ERBB4: variants seen among roughly 807,000 people sequenced by gnomAD.
ERBB4 encodes erb-b2 receptor tyrosine kinase 4.
In ERBB4, 42 loss-of-function variants were observed where a neutral mutation model predicts 158.0. The observed-to-expected ratio is 0.27, with a 90% CI of 0.21 to 0.34. The LOEUF (loss-of-function observed/expected upper bound fraction) is 0.34, where lower values mean the gene tolerates loss of function less well. Ranked by LOEUF, ERBB4 falls within the 10% of genes least tolerant of loss-of-function variation. The pLI, the probability that ERBB4 is intolerant of heterozygous loss-of-function variation, is 1.00. For missense variants in ERBB4, 1,333 were observed against 1,624.1 expected (o/e 0.82, Z 3.08); for synonymous variants, 583 against 558.7 (o/e 1.04, Z -0.61).
In ERBB4 at chr2:212,255,805, G is replaced by C. The variant is rs113329649; in HGVS notation, c.83-130902C>G. 4.8e-3 allele frequency among the ~76,000 whole-genome samples: 734 copies of C among 152,002 alleles called. 7 individuals carry two copies. Among genetic ancestry groups the C allele is most frequent in the Middle Eastern group, 0.017 (5 of 294 alleles). ...ATTAACTCTTTCAAATCACTGGGTA[G>C]GTGCACATAGAATACTTTGTGTCAT... On this transcript the variant is annotated intron_variant, in intron 1 of 27. Coordinates refer to ENST00000342788, the MANE Select transcript of ERBB4 (RefSeq NM_005235.3).
chr2:212,317,630 G>A (rs1009039466), intron 1 of ERBB4, among the ~76,000 whole-genome samples: 1 of 151,528 alleles, frequency 6.6e-6, no homozygotes, highest in African/African-American at 2.4e-5. Context: ...AGAATTCTTA[G>A]AATTACAGAA....
chr2:212,421,569 G>A (rs1164794817), intron 1 of ERBB4, among the ~76,000 whole-genome samples: 2 of 152,146 alleles, frequency 1.3e-5, no homozygotes, highest in African/African-American at 4.8e-5. Context: ...GATATTGTCA[G>A]TAAGAATGAG....
At chr2:212,463,616 AAGC>A (rs1688683297) in intron 1 of ERBB4, among the ~76,000 whole-genome samples, 1 of 152,098 alleles carries the variant, frequency 6.6e-6, no homozygotes, top group South Asian at 2.1e-4. Context: ...AAAAGAAAAA[AAGC>A]CTCAGAAGAC....
chr2:211,517,472 T>C (rs914883689), intron 20 of ERBB4, among the ~76,000 whole-genome samples: 1 of 152,164 alleles, frequency 6.6e-6, no homozygotes, highest in Non-Finnish European at 1.5e-5. Context: ...CTGTATCTTT[T>C]CTAAAGCTAA....
intron 25 of ERBB4, among the ~76,000 whole-genome samples, chr2:211,404,858 G>A (rs1336170220): frequency 6.6e-6 from 1 of 152,078 alleles, no homozygotes; most frequent in Non-Finnish European, 1.5e-5. Context: ...CACCAGTTCT[G>A]TTTTCAATCT....
At chr2:212,220,876 C>A (rs1187531292) in intron 1 of ERBB4, among the ~76,000 whole-genome samples, 3 of 151,444 alleles carry the variant, frequency 2.0e-5, no homozygotes, top group Non-Finnish European at 4.4e-5. Flanking sequence ...CCATTATGAT[C>A]TCCATCAGCA....
intron 1 of ERBB4, among the ~76,000 whole-genome samples, chr2:212,450,261 A>G (rs1338107758): frequency 6.6e-6 from 1 of 152,168 alleles, no homozygotes; most frequent in Non-Finnish European, 1.5e-5. Flanking sequence ...GCACACCTCA[A>G]TCCTTGTAAT....
intron 1 of ERBB4, among the ~76,000 whole-genome samples, chr2:212,367,645 C>A (rs1047987537): frequency 1.3e-5 from 2 of 152,024 alleles, no homozygotes; most frequent in African/African-American, 2.4e-5. Context: ...GCAGAGAAAA[C>A]AGACAACCCA....
chr2:211,869,579 T>TA (rs776390844), intron 3 of ERBB4, among the ~76,000 whole-genome samples: 50 of 152,152 alleles, frequency 3.3e-4, no homozygotes, highest in Non-Finnish European at 6.2e-4. Flanking sequence ...GTAACCCCGG[T>TA]ACCTAGCCTA....
intron 20 of ERBB4, among the ~76,000 whole-genome samples, chr2:211,499,509 G>A (rs960480363): frequency 3.9e-5 from 6 of 152,084 alleles, no homozygotes; most frequent in East Asian, 1.9e-4. Context: ...GCAACAGAGC[G>A]AGACTCTGTC....
At chr2:212,234,929 G>C (rs909814413) in intron 1 of ERBB4, among the ~76,000 whole-genome samples, 6 of 152,062 alleles carry the variant, frequency 3.9e-5, no homozygotes, top group Non-Finnish European at 7.4e-5. Flanking sequence ...TAGGTTGCCT[G>C]TTCACTCTGA....
chr2:211,741,856 A>C (rs1236968636), intron 5 of ERBB4, among the ~76,000 whole-genome samples: 2 of 152,212 alleles, frequency 1.3e-5, no homozygotes, highest in Non-Finnish European at 2.9e-5. Context: ...TACAACAAAT[A>C]TTATCAACTT....
At chr2:211,721,620 CAT>C (rs71054137) in intron 7 of ERBB4, among the ~76,000 whole-genome samples, 20,182 of 131,630 alleles carry the variant, frequency 0.15, 1,647 homozygotes, top group Admixed American at 0.18. Context: ...TGCTATTAAA[CAT>C]ATATATATAT....
chr2:211,580,899 ATATATATAT>A (rs2068083077), intron 19 of ERBB4, among the ~76,000 whole-genome samples: 1 of 5,584 alleles, frequency 1.8e-4, no homozygotes, highest in African/African-American at 6.1e-4. Context: ...ATATATATAT[ATATATATAT>A]ATATATATGA....
chr2:212,258,192 C>A (rs1013940546), intron 1 of ERBB4, among the ~76,000 whole-genome samples: 18 of 151,820 alleles, frequency 1.2e-4, no homozygotes, highest in African/African-American at 4.4e-4. Context: ...GTTCTGAATA[C>A]CCTAAAAGTA....
chr2:212,067,687 T>A (rs1253306501), intron 2 of ERBB4, among the ~76,000 whole-genome samples: 1 of 152,052 alleles, frequency 6.6e-6, no homozygotes, highest in Non-Finnish European at 1.5e-5. Flanking sequence ...GACTTCATGC[T>A]GTGGATATCT....
chr2:212,405,786 C>T (rs1247265094), intron 1 of ERBB4, among the ~76,000 whole-genome samples: 1 of 152,086 alleles, frequency 6.6e-6, no homozygotes, highest in African/African-American at 2.4e-5. Context: ...TGAAATATCT[C>T]AGGTTTCTGA....
chr2:211,615,579 G>A (rs987228046), intron 19 of ERBB4, among the ~76,000 whole-genome samples: 3 of 152,114 alleles, frequency 2.0e-5, no homozygotes, highest in Non-Finnish European at 4.4e-5. Context: ...GGTGAGCAGA[G>A]TAACAGCCCT....
intron 2 of ERBB4, among the ~76,000 whole-genome samples, chr2:211,953,272 A>G (rs910318408): frequency 3.9e-5 from 6 of 151,996 alleles, no homozygotes; most frequent in Non-Finnish European, 5.9e-5. Context: ...ATTAGGAGAA[A>G]TACCTAATGT....
Sources: allele counts gnomAD v4.1 joint callset (sites outside exome capture counted in the v4.1 genomes callset), GRCh38; gene constraint gnomAD v4.1.1; transcripts MANE v1.5; gene names NCBI Gene and HGNC (gene_info 2026-07-23, HGNC 2026-07-21).